Variants in MAPK10 observed in about 807,000 individuals in gnomAD.
The protein encoded by MAPK10 is mitogen-activated protein kinase 10.
Under a neutral mutation model 59.3 loss-of-function variants are expected in MAPK10, and 25 were observed. That is an observed-to-expected ratio of 0.42 (90% CI 0.31 to 0.59). The LOEUF (loss-of-function observed/expected upper bound fraction) is 0.59, where lower values mean the gene tolerates loss of function less well. Ranked by LOEUF, MAPK10 falls within the 20% of genes least tolerant of loss-of-function variation. MAPK10 has a pLI of 0.15. For synonymous variants in MAPK10, 190 were observed against 200.5 expected (o/e 0.95, Z 0.44); for missense variants, 351 against 568.9 (o/e 0.62, Z 3.90).
intron 2 of MAPK10, among the ~76,000 whole-genome samples, chr4:86,338,665 C>G (rs574254539): frequency 2.6e-4 from 39 of 152,212 alleles, no homozygotes; most frequent in Admixed American, 3.9e-4. Context: ...CTTGCTCTTC[C>G]CAGTCCTAGT....
At chr4:86,581,533 GA>G (rs1214355447) in intron 1 of MAPK10, among the ~76,000 whole-genome samples, 1 of 151,828 alleles carries the variant, frequency 6.6e-6, no homozygotes, top group East Asian at 1.9e-4. Flanking sequence ...AAATAACAAA[GA>G]AAAATGGTAA....
intron 4 of MAPK10, chr4:86,117,787 G>A (rs1260241208): frequency 6.6e-6 from 1 of 152,178 alleles, no homozygotes; most frequent in Admixed American, 6.5e-5. Context: ...CTAGATTCCT[G>A]GTTAAGAGGA....
At chr4:86,380,022 G>A (rs1180053389) in intron 1 of MAPK10, among the ~76,000 whole-genome samples, 1 of 152,064 alleles carries the variant, frequency 6.6e-6, no homozygotes, top group Non-Finnish European at 1.5e-5. Flanking sequence ...GATCACCTGA[G>A]GTCAGGAGTT....
chr4:86,145,761 T>C (rs1469094066), intron 4 of MAPK10, among the ~76,000 whole-genome samples: 2 of 152,184 alleles, frequency 1.3e-5, no homozygotes, highest in Non-Finnish European at 2.9e-5. Context: ...TCTCCTCTTT[T>C]ACTCTGTCTC....
At chr4:86,053,993 G>A (rs1451575718) in intron 11 of MAPK10, among the ~76,000 whole-genome samples, 1 of 152,090 alleles carries the variant, frequency 6.6e-6, no homozygotes, top group Non-Finnish European at 1.5e-5. Context: ...CTCTCTCAGT[G>A]ATCCATTCAA....
chr4:86,158,204 T>A (rs529322199), intron 4 of MAPK10, among the ~76,000 whole-genome samples: 14 of 151,552 alleles, frequency 9.2e-5, no homozygotes, highest in South Asian at 2.1e-4. Flanking sequence ...TCTTTTTTTT[T>A]ATCACAACTG....
At chr4:86,292,615 A>G (rs2095258454) in intron 2 of MAPK10, among the ~76,000 whole-genome samples, 1 of 152,222 alleles carries the variant, frequency 6.6e-6, no homozygotes, top group African/African-American at 2.4e-5. Flanking sequence ...CTAACTACTC[A>G]GAAGGCAGAG....
Position 86,194,491 on chromosome 4 carries a change from T to C in MAPK10, c.-6-84A>G, listed in dbSNP as rs1318888088. The C allele has an allele frequency of 3.6e-6, 3 of 824,074 alleles. No homozygotes were observed. In the East Asian group the frequency reaches 7.3e-5, roughly 20 times the overall value. 51.0% of individuals were successfully genotyped at this position (824,074 alleles called of 1,614,324 possible). A position where few individuals can be genotyped will look rare whatever the true frequency, so the allele number is the denominator to read the frequency against. The stretch of plus-strand genomic sequence containing the variant: ...AATATAGATTTTGGCATAATTTGAG[T>C]TATATGCAAAGTACCATGCACAACA... On this transcript the variant is annotated intron_variant, in intron 2 of 13. Transcript: ENST00000641462.
intron 4 of MAPK10, among the ~76,000 whole-genome samples, chr4:86,111,463 T>A (rs1007788046): frequency 6.6e-6 from 1 of 152,238 alleles, no homozygotes; most frequent in African/African-American, 2.4e-5. Context: ...TGAAGGACTT[T>A]TCTGCATCTA....
At chr4:86,366,728 C>G (rs1160243686) in intron 1 of MAPK10, among the ~76,000 whole-genome samples, 1 of 152,142 alleles carries the variant, frequency 6.6e-6, no homozygotes, top group Non-Finnish European at 1.5e-5. Context: ...TAATTCAGTG[C>G]TAGGACTCGG....
intron 1 of MAPK10, among the ~76,000 whole-genome samples, chr4:86,507,623 T>G (rs1179663925): frequency 2.4e-3 from 76 of 31,880 alleles, no homozygotes; most frequent in Non-Finnish European, 3.3e-3. Context: ...GAGATATATA[T>G]ATATATATAT....
At chr4:86,034,927 T>C (rs2039893487) in intron 11 of MAPK10, among the ~76,000 whole-genome samples, 1 of 152,104 alleles carries the variant, frequency 6.6e-6, no homozygotes, top group African/African-American at 2.4e-5. Flanking sequence ...GTAGTGGTAG[T>C]GGTGGTGCAT....
chr4:86,446,410 C>T (rs778892892), intron 1 of MAPK10, among the ~76,000 whole-genome samples: 1 of 152,098 alleles, frequency 6.6e-6, no homozygotes, highest in Admixed American at 6.5e-5. Flanking sequence ...TTGAGAGAGT[C>T]TCACCATGTT....
rs139432450 is a variant in MAPK10, at chr4:86,254,851, T to C, written c.-6-60444A>G. 6.4e-3 allele frequency among the ~76,000 whole-genome samples: 975 copies of C among 152,186 alleles called. 22 individuals carry two copies. The highest frequency in any genetic ancestry group is 0.058 in the Admixed American group (890 of 15,272). On this transcript the variant is annotated intron_variant, in intron 2 of 13. Transcript: ENST00000641462. ...CACTCAGGACTTAGAACATCTTTTT[T>C]TAAAGGCTTATAAAAATTGGGGTTT...
chr4:86,427,603 A>G (rs1004093587), intron 1 of MAPK10, among the ~76,000 whole-genome samples: 48 of 152,254 alleles, frequency 3.2e-4, no homozygotes, highest in African/African-American at 1.1e-3. Context: ...AAAGGAAAAG[A>G]TGGAAGAGGA....
At chr4:86,147,802 G>C (rs1359372096) in intron 4 of MAPK10, among the ~76,000 whole-genome samples, 1 of 152,094 alleles carries the variant, frequency 6.6e-6, no homozygotes, top group Non-Finnish European at 1.5e-5. Flanking sequence ...CTTCAGATTA[G>C]TCAAAGGCAT....
chr4:86,333,102 C>A (rs112748794), intron 2 of MAPK10, among the ~76,000 whole-genome samples: 51 of 152,272 alleles, frequency 3.3e-4, no homozygotes, highest in African/African-American at 1.1e-3. Context: ...CATGCCACTG[C>A]ACCCAGCTGT....
intron 2 of MAPK10, among the ~76,000 whole-genome samples, chr4:86,202,953 G>A (rs377225849): frequency 1.3e-5 from 2 of 151,856 alleles, no homozygotes; most frequent in East Asian, 1.9e-4. Context: ...CAAAAAATTC[G>A]TTTGCTAATT....
chr4:86,524,800 C>G (rs995317234), intron 1 of MAPK10, among the ~76,000 whole-genome samples: 77 of 151,256 alleles, frequency 5.1e-4, no homozygotes, highest in Admixed American at 4.8e-3. Context: ...GATAATTAAC[C>G]CTACATTAGC....
Sources: allele counts gnomAD v4.1 joint callset (sites outside exome capture counted in the v4.1 genomes callset), GRCh38; gene constraint gnomAD v4.1.1; transcripts MANE v1.5; gene names NCBI Gene and HGNC (gene_info 2026-07-23, HGNC 2026-07-21).